The following MSH3 variants were observed in gnomAD, a reference collection of about 807,000 sequenced individuals.
MSH3 encodes mutS homolog 3.
MSH3 carries 106 observed loss-of-function variants against 123.3 expected under a neutral mutation model. That is an observed-to-expected ratio of 0.86 (90% confidence interval 0.73 to 1.01). MSH3 has a LOEUF of 1.01. Among genes scored for constraint, MSH3 ranks in the 50% least tolerant of loss-of-function variants. The pLI, the probability that MSH3 is intolerant of heterozygous loss-of-function variation, is 0.00. For missense variants in MSH3, 1,459 were observed against 1,347.6 expected (o/e 1.08, Z -1.29); for synonymous variants, 515 against 481.4 (o/e 1.07, Z -0.91).
chr5:80,806,614 T>C (rs1744896014), intron 19 of MSH3, among the ~76,000 whole-genome samples: 1 of 152,204 alleles, frequency 6.6e-6, no homozygotes, highest in South Asian at 2.1e-4. Context: ...CACACAAGCT[T>C]ATTTGCTATA....
At chr5:80,801,421 T>C (rs1465870779) in intron 19 of MSH3, among the ~76,000 whole-genome samples, 1 of 152,178 alleles carries the variant, frequency 6.6e-6, no homozygotes, top group Non-Finnish European at 1.5e-5. Context: ...GTACAACTTA[T>C]CTCGTGCTGG....
Position 80,693,622 on chromosome 5 carries a change from TATACACAC to T in MSH3, c.1340+14531_1340+14538del, listed in dbSNP as rs1561446218. On this transcript the variant is annotated intron_variant, in intron 8 of 23. Coordinates refer to ENST00000265081, the MANE Select transcript of MSH3 (RefSeq NM_002439.5). ...AAACATACATATATACACACACACA[TATACACAC>T]ACACACACACACACACACAAACACA... Among the ~76,000 whole-genome samples the T allele has an allele frequency of 6.2e-5, 6 of 96,316 alleles. No homozygotes were observed. In the East Asian group the frequency reaches 9.8e-4, roughly 16 times the overall value. The allele number at this position is 96,316 out of a possible 152,430, so 63.2% of individuals were successfully genotyped here.
chr5:80,779,118 G>A (rs1022171612), intron 17 of MSH3, among the ~76,000 whole-genome samples: 2 of 151,348 alleles, frequency 1.3e-5, no homozygotes, highest in African/African-American at 4.9e-5. Flanking sequence ...TCAGCCTCCT[G>A]AGTAGCTGGG....
intron 8 of MSH3, among the ~76,000 whole-genome samples, chr5:80,703,202 T>A (rs1172106420): frequency 3.3e-5 from 5 of 152,204 alleles, no homozygotes; most frequent in Admixed American, 6.5e-5. Flanking sequence ...ACTGAAACAT[T>A]GGGCAGTTGA....
chr5:80,666,985 A>G (rs1474494255), intron 3 of MSH3, among the ~76,000 whole-genome samples: 3 of 152,036 alleles, frequency 2.0e-5, no homozygotes, highest in African/African-American at 7.2e-5. Flanking sequence ...TTTTTTTTAA[A>G]GTTGCTTATT....
At chr5:80,680,978 A>G (rs1749959537) in intron 8 of MSH3, among the ~76,000 whole-genome samples, 1 of 152,150 alleles carries the variant, frequency 6.6e-6, no homozygotes, top group South Asian at 2.1e-4. Flanking sequence ...CCTTAAGATA[A>G]ATTCCTGAAA....
chr5:80,722,598 G>A (rs1751104028), intron 8 of MSH3, among the ~76,000 whole-genome samples: 1 of 152,170 alleles, frequency 6.6e-6, no homozygotes, highest in Non-Finnish European at 1.5e-5. Flanking sequence ...CCCAACACCT[G>A]TTCCTGTTTC....
At chr5:80,870,941 A>G (rs1289275797) in intron 22 of MSH3, among the ~76,000 whole-genome samples, 3 of 152,306 alleles carry the variant, frequency 2.0e-5, no homozygotes, top group East Asian at 1.9e-4. Context: ...TTTGCAGCAC[A>G]ATTATATTGA....
intron 8 of MSH3, among the ~76,000 whole-genome samples, chr5:80,680,443 A>T (rs548289653): frequency 6.6e-6 from 1 of 152,042 alleles, no homozygotes; most frequent in South Asian, 2.1e-4. Context: ...GGATAAATTC[A>T]TAAGTTGAAT....
intron 12 of MSH3, 97 bp from the exon 13 acceptor site, chr5:80,761,449 T>C: frequency 1.4e-6 from 2 of 1,440,878 alleles, no homozygotes; most frequent in African/African-American, 1.4e-5. Flanking sequence ...TTGTGCCTAA[T>C]AAGTGGCTGT....
chr5:80,793,211 C>T (rs1744639674), intron 19 of MSH3, among the ~76,000 whole-genome samples: 1 of 152,176 alleles, frequency 6.6e-6, no homozygotes, highest in Admixed American at 6.5e-5. Flanking sequence ...ATATTCTATG[C>T]AAGAATCAGA....
rs1175791781 is a variant in MSH3, at chr5:80,672,330, T to C, written c.879T>C (p.His293=). The change falls in exon 5 of 24, where the codon CAT becomes CAC. Residue 293 remains histidine (H), a synonymous_variant. Transcript: ENST00000265081. Reference sequence around the variant, plus strand: ...TACCTACTCACAGACTGTTTGTTCATGTACGCCGCCTGGTGGCAAAAGGAT... The same window carrying C: ...TACCTACTCACAGACTGTTTGTTCACGTACGCCGCCTGGTGGCAAAAGGAT... ...ASIPTHRLFV[H]VRRLVAKGYK... is the part of the protein sequence containing the mutation. 4 of 1,613,872 alleles carry C rather than the reference T, an allele frequency of 2.5e-6. No individual in the cohort carries two copies. The highest frequency in any genetic ancestry group is 2.5e-6 in the Non-Finnish European group (3 of 1,179,868).
intron 20 of MSH3, among the ~76,000 whole-genome samples, chr5:80,843,082 A>G (rs977693049): frequency 5.3e-5 from 8 of 152,136 alleles, no homozygotes; most frequent in African/African-American, 1.2e-4. Flanking sequence ...CATTCCATCA[A>G]TATCTAGTTT....
chr5:80,754,516 T>C (rs938486121), intron 12 of MSH3, among the ~76,000 whole-genome samples: 5 of 152,176 alleles, frequency 3.3e-5, no homozygotes, highest in Non-Finnish European at 2.9e-5. Context: ...TAGTGGAAGC[T>C]TTTGTACTAA....
intron 8 of MSH3, among the ~76,000 whole-genome samples, chr5:80,697,865 G>T (rs1285704239): frequency 6.6e-6 from 1 of 152,088 alleles, no homozygotes; most frequent in Non-Finnish European, 1.5e-5. Flanking sequence ...TATTAAATTG[G>T]ATACCAGGAA....
rs774402842 is a variant in MSH3, at chr5:80,670,104, C to T, written c.587C>T (p.Thr196Ile). The change falls in exon 4 of 24, where the codon ACA (threonine) becomes ATA (isoleucine). Residue 196 changes from threonine (T) to isoleucine (I), a missense_variant. Transcript: ENST00000265081. ...ACATCTTTTGGTTGCCAGGACACAA[C>T]ACTTTTTGATCTCAGTCAGTTTGGA... ...SKRQINQKDT[T>I]LFDLSQFGSS... The T allele has an allele frequency of 2.5e-6, 4 of 1,614,048 alleles. No individual in the cohort carries two copies. Among genetic ancestry groups the T allele is most frequent in the East Asian group, 4.5e-5 (2 of 44,860 alleles).
At chr5:80,872,322 C>T (rs1172295337) in intron 22 of MSH3, among the ~76,000 whole-genome samples, 3 of 151,506 alleles carry the variant, frequency 2.0e-5, no homozygotes, top group South Asian at 2.1e-4. Context: ...AAAAAATTAG[C>T]TAGGTGTGGT....
chr5:80,842,149 T>A (rs1745637833), intron 20 of MSH3, among the ~76,000 whole-genome samples: 1 of 152,212 alleles, frequency 6.6e-6, no homozygotes, highest in African/African-American at 2.4e-5. Context: ...CCAGCACCAT[T>A]TATTAAGTAG....
intron 10 of MSH3, among the ~76,000 whole-genome samples, chr5:80,740,332 A>T (rs1243593389): frequency 1.3e-5 from 2 of 150,978 alleles, no homozygotes; most frequent in East Asian, 3.9e-4. Flanking sequence ...AAATTTGGCC[A>T]TGGTAATGTG....
Sources: allele counts gnomAD v4.1 joint callset (sites outside exome capture counted in the v4.1 genomes callset), GRCh38; gene constraint gnomAD v4.1.1; transcripts MANE v1.5; gene names NCBI Gene and HGNC (gene_info 2026-07-23, HGNC 2026-07-21).